Variants in CEP85L observed in about 807,000 individuals in gnomAD.
CEP85L encodes the protein centrosomal protein 85L.
CEP85L carries 60 observed loss-of-function variants against 100.3 expected under a neutral mutation model. The observed-to-expected ratio is 0.60, with a 90% CI of 0.49 to 0.74. CEP85L has a LOEUF of 0.74. CEP85L is among the 30% of genes least tolerant of loss of function. The probability of loss-of-function intolerance (pLI) is 0.00; values close to 1 mark genes in which losing one functional copy is unlikely to be tolerated. For synonymous variants in CEP85L, 319 were observed against 322.7 expected (o/e 0.99, Z 0.12); for missense variants, 973 against 936.2 (o/e 1.04, Z -0.51).
At chr6:118,482,091 C>G (rs1773833964) in intron 7 of CEP85L, among the ~76,000 whole-genome samples, 158 bp from the exon 8 acceptor site, 1 of 150,584 alleles carries the variant, frequency 6.6e-6, no homozygotes, top group South Asian at 2.1e-4. Flanking sequence ...AATTCTCCAT[C>G]TCTTCCTCTG....
At chr6:118,524,594 G>A (rs1335018625) in intron 3 of CEP85L, among the ~76,000 whole-genome samples, 3 of 152,192 alleles carry the variant, frequency 2.0e-5, no homozygotes, top group Non-Finnish European at 2.9e-5. Context: ...AACATTAGCA[G>A]GAGATTTTCC....
chr6:118,588,860 C>A (rs1285011857), intron 2 of CEP85L, among the ~76,000 whole-genome samples: 1 of 152,206 alleles, frequency 6.6e-6, no homozygotes, highest in Non-Finnish European at 1.5e-5. Context: ...GCCCTAGCTG[C>A]TGTTCCCCAT....
chr6:118,650,750 G>A (rs62422235), intron 1 of CEP85L, among the ~76,000 whole-genome samples: 20,266 of 152,208 alleles, frequency 0.13, 1,729 homozygotes, highest in Non-Finnish European at 0.18. Context: ...GAAGTCGGGA[G>A]GGCGCGGAAC....
At chr6:118,501,950 T>C (rs1019536484) in intron 5 of CEP85L, 7 of 913,460 alleles carry the variant, frequency 7.7e-6, no homozygotes, top group Non-Finnish European at 1.0e-5. Flanking sequence ...TAGGAGCAGC[T>C]TGACTGCATC....
At chr6:118,647,593 C>T (rs943028460) in intron 1 of CEP85L, among the ~76,000 whole-genome samples, 5 of 152,158 alleles carry the variant, frequency 3.3e-5, no homozygotes, top group South Asian at 2.1e-4. Context: ...AACTCCTGAC[C>T]TCAAGTGATC....
chr6:118,602,328 A>AT (rs1374191298), intron 2 of CEP85L, among the ~76,000 whole-genome samples: 1 of 152,214 alleles, frequency 6.6e-6, no homozygotes, highest in Non-Finnish European at 1.5e-5. Flanking sequence ...TGTAACAGCA[A>AT]TATATTCCAC....
chr6:118,597,349 T>C lies in CEP85L; in HGVS notation c.233-31033A>G, dbSNP rs544114593. On this transcript the variant is annotated intron_variant, in intron 2 of 12. Transcript: ENST00000368491. ...AGGATTCTTTTCCATTAGAATATTC[T>C]GTATTCTGACTATATAACATACCAG... 2.0e-5 allele frequency among the ~76,000 whole-genome samples: 3 copies of C among 152,364 alleles called. No homozygotes were observed. The East Asian group carries it at 5.8e-4, about 29-fold the overall frequency.
At chr6:118,650,238 G>A (rs777533444) in intron 1 of CEP85L, among the ~76,000 whole-genome samples, 2 of 152,132 alleles carry the variant, frequency 1.3e-5, no homozygotes, top group Non-Finnish European at 2.9e-5. Flanking sequence ...TGTTTTTTCT[G>A]CGCAGAATGT....
At chr6:118,616,947 A>G (rs1307752956) in intron 2 of CEP85L, among the ~76,000 whole-genome samples, 1 of 150,878 alleles carries the variant, frequency 6.6e-6, no homozygotes, top group Non-Finnish European at 1.5e-5. Flanking sequence ...TCTGTGTCAA[A>G]AAAAAAAAAA....
intron 5 of CEP85L, among the ~76,000 whole-genome samples, chr6:118,506,100 T>A (rs1336191337): frequency 6.6e-6 from 1 of 152,194 alleles, no homozygotes; most frequent in Non-Finnish European, 1.5e-5. Flanking sequence ...GTGCTTCTAC[T>A]ATAATGCAAT....
intron 3 of CEP85L, among the ~76,000 whole-genome samples, chr6:118,555,556 T>G (rs1476931120): frequency 6.6e-6 from 1 of 151,972 alleles, no homozygotes; most frequent in East Asian, 1.9e-4. Context: ...AGGATGAATC[T>G]CAATAAAGAA....
At chr6:118,646,405 A>C (rs1775193704) in intron 1 of CEP85L, among the ~76,000 whole-genome samples, 1 of 152,030 alleles carries the variant, frequency 6.6e-6, no homozygotes, top group Non-Finnish European at 1.5e-5. Flanking sequence ...GCAGTGGCTC[A>C]TGTCTGTAAT....
chr6:118,589,048 A>G, intron 2 of CEP85L: 1 of 274,622 alleles, frequency 3.6e-6, no homozygotes, highest in Non-Finnish European at 7.8e-6. Context: ...TTCGTCTCCG[A>G]GGTCAGACTG....
At chr6:118,517,885 C>T (rs1375713786) in intron 4 of CEP85L, among the ~76,000 whole-genome samples, 5 of 152,104 alleles carry the variant, frequency 3.3e-5, no homozygotes, top group Non-Finnish European at 7.4e-5. Flanking sequence ...TCATAAATAG[C>T]TCTTATTACT....
At chr6:118,546,220 C>G (rs1440130824) in intron 3 of CEP85L, among the ~76,000 whole-genome samples, 1 of 152,074 alleles carries the variant, frequency 6.6e-6, no homozygotes. Flanking sequence ...ACAAAAACTC[C>G]CCACTCTTGT....
chr6:118,559,653 T>C (rs1388537227), intron 3 of CEP85L: 1 of 169,160 alleles, frequency 5.9e-6, no homozygotes, highest in Non-Finnish European at 1.4e-5. Context: ...AATTGTATTT[T>C]TTCTATGCCA....
chr6:118,649,347 T>C (rs906196282), intron 1 of CEP85L, among the ~76,000 whole-genome samples: 2 of 152,214 alleles, frequency 1.3e-5, no homozygotes, highest in African/African-American at 4.8e-5. Context: ...AGGGTAGTAA[T>C]TACAAAGTAT....
At chr6:118,571,373 G>C (rs2115027114) in intron 2 of CEP85L, among the ~76,000 whole-genome samples, 1 of 152,318 alleles carries the variant, frequency 6.6e-6, no homozygotes, top group Admixed American at 6.5e-5. Context: ...AGTAGGCATA[G>C]ATGAGCTAAT....
intron 4 of CEP85L, among the ~76,000 whole-genome samples, chr6:118,521,316 T>C (rs1387894674): frequency 3.3e-5 from 5 of 152,356 alleles, no homozygotes; most frequent in African/African-American, 7.2e-5. Flanking sequence ...ATATATGTTA[T>C]AGAAATTTGT....
Sources: gnomAD v4.1 joint callset for allele counts (sites outside exome capture counted in the v4.1 genomes callset) on GRCh38, gnomAD v4.1.1 for gene constraint, MANE v1.5 for transcripts, NCBI Gene and HGNC (gene_info 2026-07-23, HGNC 2026-07-21) for gene names.